The following CCAR1 variants were observed in gnomAD, a reference collection of about 807,000 sequenced individuals.
CCAR1 encodes cell division cycle and apoptosis regulator protein 1.
In CCAR1, 78 loss-of-function variants were observed where a neutral mutation model predicts 163.8. The observed-to-expected ratio is 0.48, with a 90% CI of 0.40 to 0.57. The LOEUF is 0.57. CCAR1 is among the 20% of genes least tolerant of loss of function. CCAR1 has a pLI of 0.00. For synonymous variants in CCAR1, 443 were observed against 460.7 expected, an observed-to-expected ratio of 0.96 and a Z score of 0.49; for missense variants, 1,019 against 1,365.2, an observed-to-expected ratio of 0.75 and a Z score of 4.00.
chr10:68,749,880 C>T lies in CCAR1; in HGVS notation c.1118+195C>T, dbSNP rs145490223. On this transcript the variant is annotated intron_variant, in intron 10 of 24. Coordinates refer to ENST00000265872, the MANE Select transcript of CCAR1 (RefSeq NM_018237.4). ...ATTTTTATACCCCCATGAAGGATAT[C>T]GACTGGTATTGAAAAAGGCAGCCCC... is the stretch of plus-strand genomic sequence containing the variant. Among the ~76,000 whole-genome samples, 857 of 152,220 alleles carry T rather than the reference C, an allele frequency of 5.6e-3. 11 individuals are homozygous for T. The highest frequency in any genetic ancestry group is 0.02 in the African/African-American group (817 of 41,530).
chr10:68,726,780 G>C (rs972169095), intron 2 of CCAR1, among the ~76,000 whole-genome samples: 1 of 151,676 alleles, frequency 6.6e-6, no homozygotes, highest in Admixed American at 6.6e-5. Flanking sequence ...GGCAGATCAC[G>C]AGGTCAGGAG....
intron 10 of CCAR1, among the ~76,000 whole-genome samples, chr10:68,752,913 T>C (rs924712852): frequency 2.6e-5 from 4 of 151,902 alleles, no homozygotes; most frequent in African/African-American, 4.8e-5. Context: ...GATAGATAGA[T>C]AGATAGATAG....
chr10:68,760,695 C>T (rs567197983), intron 15 of CCAR1: 21 of 163,266 alleles, frequency 1.3e-4, no homozygotes, highest in Non-Finnish European at 2.8e-4. Flanking sequence ...GGTGAAACCC[C>T]GTCTCTACAA....
intron 19 of CCAR1, among the ~76,000 whole-genome samples, chr10:68,784,255 G>A (rs570545043): frequency 2.0e-5 from 3 of 151,978 alleles, no homozygotes; most frequent in South Asian, 2.1e-4. Context: ...TTGCTCTGTC[G>A]CCCAGGATGG....
Position 68,737,031 on chromosome 10 carries a change from G to A in CCAR1, c.229G>A (p.Ala77Thr), listed in dbSNP as rs2056120571. 6.2e-7 allele frequency: 1 copy of A among 1,613,174 alleles called. No homozygotes were observed. ...ATTGCAGCAACAAGCCGCAGCTGCA[G>A]CAGCTGCATTACAACAGGTAAATCT... is the stretch of plus-strand genomic sequence containing the variant. The part of the protein sequence containing the change: ...AALQQQAAAA[A>T]AALQQQYSQP... The change falls in exon 3 of 25, where the codon GCA becomes ACA. Residue 77 changes from alanine (A) to threonine (T), a missense_variant. Physicochemically the swap from Ala to Thr is moderately conservative, Grantham distance 58 (BLOSUM62 0). Coordinates refer to ENST00000265872, the MANE Select transcript of CCAR1 (RefSeq NM_018237.4).
At chr10:68,724,689 G>A (rs2055915287) in intron 2 of CCAR1, among the ~76,000 whole-genome samples, 1 of 152,154 alleles carries the variant, frequency 6.6e-6, no homozygotes, top group African/African-American at 2.4e-5. Context: ...GGAGGTTGAG[G>A]TAGAAGGATT....
In CCAR1 at chr10:68,747,268, C is replaced by T; in HGVS notation, c.626C>T (p.Pro209Leu). ...AATGCACAGAGAATTCAAACACTAC[C>T]AAATCAGGTACAGAAAGTATTGAGT... ...KWNAQRIQTLPNQNQSQTQPL... is the reference protein window; with the variant it reads ...KWNAQRIQTLLNQNQSQTQPL... The change falls in exon 7 of 25, where the codon CCA becomes CTA. Residue 209 changes from proline (P) to leucine (L), a missense_variant. Physicochemically the swap from Pro to Leu is moderately conservative, Grantham distance 98. Around this residue, in one of 4 missense-constraint regions of CCAR1, gnomAD observed 644 missense variants for 904.4 expected, o/e 0.71. Transcript: ENST00000265872. 6.2e-7 allele frequency: 1 copy of T among 1,600,498 alleles called. No homozygotes were observed.
chr10:68,747,210 G>A lies in CCAR1; in HGVS notation c.568G>A (p.Ala190Thr). ...AGTAGGTGACAGAGTATTGGTTGAA[G>A]CTACTTATAATCCTAATATGCCTTT... ...PQVGDRVLVE[A>T]TYNPNMPFKW... The change falls in exon 7 of 25, where the codon GCT becomes ACT. Residue 190 changes from alanine to threonine, a missense_variant. Around this residue, in one of 4 missense-constraint regions of CCAR1, gnomAD observed 644 missense variants for 904.4 expected, o/e 0.71. Transcript: ENST00000265872. The A allele has an allele frequency of 6.2e-7, 1 of 1,611,038 alleles. No homozygotes were observed. The highest frequency in any genetic ancestry group is 8.5e-7 in the Non-Finnish European group (1 of 1,179,020).
At position 68,784,561 on chromosome 10, in the gene CCAR1, A is replaced by G. The variant is rs148589544; in HGVS notation, c.2651-1575A>G. ...TTATTCTGTGGGTCAGATGCTATCA[A>G]ACAGCATCACATAGGGTCTCACTTT... is the stretch of plus-strand genomic sequence containing the variant. On this transcript the variant is annotated intron_variant, in intron 19 of 24. Coordinates refer to ENST00000265872, the MANE Select transcript of CCAR1 (RefSeq NM_018237.4). 1.4e-4 allele frequency among the ~76,000 whole-genome samples: 21 copies of G among 152,280 alleles called. No individual in the cohort carries two copies. In the East Asian group the frequency reaches 4.1e-3, roughly 29 times the overall value.
chr10:68,751,208 G>T (rs1041940368), intron 10 of CCAR1, among the ~76,000 whole-genome samples: 5 of 151,596 alleles, frequency 3.3e-5, no homozygotes, highest in Admixed American at 2.6e-4. Flanking sequence ...TGTATTTTTA[G>T]TAGAAACAGG....
Position 68,756,522 on chromosome 10 carries a change from A to G in CCAR1, c.1836+39A>G, listed in dbSNP as rs766605453. 2.0e-6 allele frequency: 3 copies of G among 1,497,162 alleles called. No individual in the cohort carries two copies. The highest frequency in any genetic ancestry group is 3.9e-5 in the Admixed American group (2 of 51,356). 92.7% of individuals were successfully genotyped at this position (1,497,162 alleles called of 1,614,324 possible). A position where few individuals can be genotyped will look rare whatever the true frequency, so the allele number is the denominator to read the frequency against. ...ATCCCTTTTTCTATTTCCGCTTCTC[A>G]CAGGCACAGGAACACAGGCACAAAT... is the stretch of plus-strand genomic sequence containing the variant. On this transcript the variant is annotated intron_variant, in intron 14 of 24. Transcript: ENST00000265872. This position sits in a 1 kb window ranked among gnomAD's most constrained non-coding sequence, Gnocchi z 5.1.
At chr10:68,739,695 C>A (rs2056158316) in intron 4 of CCAR1, among the ~76,000 whole-genome samples, 1 of 152,148 alleles carries the variant, frequency 6.6e-6, no homozygotes, top group Non-Finnish European at 1.5e-5. Flanking sequence ...TTATGAAATA[C>A]ATTTTTAAAG....
At chr10:68,730,132 G>T (rs1226822061) in intron 2 of CCAR1, among the ~76,000 whole-genome samples, 1 of 151,794 alleles carries the variant, frequency 6.6e-6, no homozygotes, top group Non-Finnish European at 1.5e-5. Context: ...ATGTTGGTCA[G>T]GCTGGTCTCA....
intron 2 of CCAR1, among the ~76,000 whole-genome samples, chr10:68,723,137 TA>T (rs997021516): frequency 1.3e-5 from 2 of 151,604 alleles, no homozygotes; most frequent in African/African-American, 4.8e-5. Context: ...TTTATTTATT[TA>T]TTTTTTTGAG....
chr10:68,760,085 G>T (rs780210736), intron 15 of CCAR1, among the ~76,000 whole-genome samples: 3 of 152,038 alleles, frequency 2.0e-5, no homozygotes, highest in Non-Finnish European at 4.4e-5. Flanking sequence ...TTCCACCTTG[G>T]ACTCCAAAGG....
intron 15 of CCAR1, among the ~76,000 whole-genome samples, chr10:68,759,663 G>A (rs2056443860): frequency 6.6e-6 from 1 of 151,944 alleles, no homozygotes; most frequent in Non-Finnish European, 1.5e-5. Flanking sequence ...GGTCAATGCT[G>A]CCGCGGTGAG....
chr10:68,738,644 T>C (rs2056144415), intron 4 of CCAR1, among the ~76,000 whole-genome samples: 2 of 152,160 alleles, frequency 1.3e-5, no homozygotes, highest in East Asian at 1.9e-4. Flanking sequence ...TTACATTAAC[T>C]AACACCTACT....
At chr10:68,784,451 G>A (rs1412065453) in intron 19 of CCAR1, among the ~76,000 whole-genome samples, 1 of 152,076 alleles carries the variant, frequency 6.6e-6, no homozygotes, top group African/African-American at 2.4e-5. Flanking sequence ...GACCTTAAGT[G>A]ATCCATCTGC....
At chr10:68,778,914 G>A (rs1249934365) in intron 19 of CCAR1, among the ~76,000 whole-genome samples, 4 of 152,242 alleles carry the variant, frequency 2.6e-5, no homozygotes, top group Non-Finnish European at 4.4e-5. Context: ...GCACTGGTGC[G>A]ATCTCAGCTC....
Sources: gnomAD v4.1 joint callset for allele counts (sites outside exome capture counted in the v4.1 genomes callset) on GRCh38, gnomAD v4.1.1 for gene constraint, gnomAD v4.1.1 regional missense constraint, Gnocchi (gnomAD v3.1) non-coding constraint, MANE v1.5 for transcripts, NCBI Gene and HGNC (gene_info 2026-07-23, HGNC 2026-07-21) for gene names.